The following PRKAG2 variants were observed in gnomAD, a reference collection of about 807,000 sequenced individuals.
The protein encoded by PRKAG2 is 5'-AMP-activated protein kinase subunit gamma-2.
In PRKAG2, 26 loss-of-function variants were observed where a neutral mutation model predicts 69.6. That is an observed-to-expected ratio of 0.37 (90% confidence interval 0.27 to 0.52). The LOEUF is 0.52. PRKAG2 is among the 20% of genes least tolerant of loss of function. PRKAG2 has a pLI of 0.90. For synonymous variants in PRKAG2, 293 were observed against 285.0 expected (o/e 1.03, Z -0.28); for missense variants, 557 against 740.0 (o/e 0.75, Z 2.87).
intron 6 of PRKAG2, among the ~76,000 whole-genome samples, chr7:151,592,281 C>G (rs1813384361): frequency 6.6e-6 from 1 of 152,224 alleles, no homozygotes; most frequent in African/African-American, 2.4e-5. Flanking sequence ...ATTACATCCC[C>G]CAGCAGGCAG....
intron 5 of PRKAG2, among the ~76,000 whole-genome samples, chr7:151,616,096 T>C (rs1248948901): frequency 6.6e-6 from 1 of 152,100 alleles, no homozygotes; most frequent in Non-Finnish European, 1.5e-5. Context: ...GGTCAGAGGG[T>C]TCATTTTAAC....
At chr7:151,633,487 T>C (rs1026514366) in intron 4 of PRKAG2, among the ~76,000 whole-genome samples, 3 of 151,266 alleles carry the variant, frequency 2.0e-5, no homozygotes, top group Admixed American at 6.6e-5. Context: ...TAACATGTTA[T>C]CTACATACAA....
intron 5 of PRKAG2, among the ~76,000 whole-genome samples, chr7:151,628,111 C>G (rs1219075512): frequency 3.9e-5 from 6 of 152,226 alleles, no homozygotes; most frequent in African/African-American, 1.4e-4. Flanking sequence ...AAAATCACCA[C>G]AGCAAGTTAT....
intron 5 of PRKAG2, among the ~76,000 whole-genome samples, chr7:151,616,089 C>G (rs1328694724): frequency 6.6e-6 from 1 of 152,216 alleles, no homozygotes; most frequent in African/African-American, 2.4e-5. Context: ...TGCCACTGGT[C>G]AGAGGGTTCA....
chr7:151,693,842 C>G (rs1836122724), intron 3 of PRKAG2, among the ~76,000 whole-genome samples: 1 of 152,238 alleles, frequency 6.6e-6, no homozygotes, highest in African/African-American at 2.4e-5. Context: ...GTCTTGGACT[C>G]TAGCCTCCAG....
In PRKAG2 at chr7:151,814,661, C is replaced by T. The variant is rs1462702049; in HGVS notation, c.115-28120G>A. 4.9e-6 allele frequency: 6 copies of T among 1,231,790 alleles called. No individual in the cohort carries two copies. Among genetic ancestry groups the T allele is most frequent in the African/African-American group, 1.5e-5 (1 of 64,540 alleles). 76.3% of individuals were successfully genotyped at this position (1,231,790 alleles called of 1,614,324 possible). A position where few individuals can be genotyped will look rare whatever the true frequency, so the allele number is the denominator to read the frequency against. On this transcript the variant is annotated intron_variant, in intron 1 of 15. Transcript: ENST00000287878. The surrounding 1 kb of genome is among the most constrained non-coding windows in gnomAD (Gnocchi z 4.8). ...CTGCATGTCTGCAACAGATGGGGACCGGGGCTGGGTGTGTTCCCAGTCCCC... is the reference window on the plus strand; with the variant it reads ...CTGCATGTCTGCAACAGATGGGGACTGGGGCTGGGTGTGTTCCCAGTCCCC...
At chr7:151,645,575 A>G (rs1827427120) in intron 4 of PRKAG2, among the ~76,000 whole-genome samples, 2 of 152,270 alleles carry the variant, frequency 1.3e-5, no homozygotes, top group South Asian at 4.1e-4. Context: ...AGATAATACA[A>G]TGGGTTTTAA....
At chr7:151,782,396 G>A (rs1294798265) in intron 2 of PRKAG2, among the ~76,000 whole-genome samples, 5 of 133,636 alleles carry the variant, frequency 3.7e-5, no homozygotes, top group African/African-American at 1.4e-4. Flanking sequence ...AAGGAAGGAA[G>A]GAAGGAAGGA....
intron 5 of PRKAG2, among the ~76,000 whole-genome samples, chr7:151,616,304 GCA>G (rs1245077871): frequency 1.3e-5 from 2 of 151,964 alleles, no homozygotes; most frequent in Non-Finnish European, 2.9e-5. Flanking sequence ...ATGCACACAG[GCA>G]CACACACACA....
intron 1 of PRKAG2, among the ~76,000 whole-genome samples, chr7:151,876,176 A>G (rs1166637583): frequency 6.6e-6 from 1 of 150,552 alleles, no homozygotes; most frequent in East Asian, 2.0e-4. Flanking sequence ...AAACAACACA[A>G]CGCACCGCCC....
At chr7:151,679,037 G>A (rs1270974397) in intron 3 of PRKAG2, among the ~76,000 whole-genome samples, 1 of 152,122 alleles carries the variant, frequency 6.6e-6, no homozygotes, top group Non-Finnish European at 1.5e-5. Flanking sequence ...GCTTTGAGGT[G>A]GGGTGGGGAG....
At chr7:151,791,920 G>A (rs952405009) in intron 1 of PRKAG2, among the ~76,000 whole-genome samples, 1 of 152,198 alleles carries the variant, frequency 6.6e-6, no homozygotes, top group African/African-American at 2.4e-5. Context: ...AAGACAAGTG[G>A]TATCATCCCC....
rs866265027 is a variant in PRKAG2, at chr7:151,718,626, A to C, written c.467-42989T>G. Among the ~76,000 whole-genome samples the C allele has an allele frequency of 8.1e-3, 1,179 of 146,396 alleles. 18 individuals carry two copies. Among genetic ancestry groups the C allele is most frequent in the African/African-American group, 0.03 (1,111 of 37,478 alleles). ...TCCCCAGGATGCAAAAAAAAAAAAA[A>C]AAACCCAAAAACAAAACAAACAAAA... On this transcript the variant is annotated intron_variant, in intron 3 of 15. Transcript: ENST00000287878.
intron 3 of PRKAG2, among the ~76,000 whole-genome samples, chr7:151,704,420 G>C (rs1838260023): frequency 6.6e-6 from 1 of 152,148 alleles, no homozygotes; most frequent in South Asian, 2.1e-4. Flanking sequence ...AGTGTTGGTT[G>C]TGAGATGCAG....
intron 10 of PRKAG2, 125 bp from the exon 11 acceptor site, chr7:151,568,967 G>T: frequency 8.6e-7 from 1 of 1,166,110 alleles, no homozygotes; most frequent in Non-Finnish European, 1.3e-6. Flanking sequence ...TTTTGGAAGA[G>T]TTTTAAATTA....
intron 11 of PRKAG2, 105 bp from the exon 12 acceptor site, chr7:151,565,990 T>C: frequency 7.5e-7 from 1 of 1,340,090 alleles, no homozygotes; most frequent in Non-Finnish European, 1.1e-6. Flanking sequence ...TTAAAGTTAG[T>C]TTTTTCTAAC....
intron 4 of PRKAG2, among the ~76,000 whole-genome samples, chr7:151,648,829 C>T (rs1043743065): frequency 2.6e-5 from 4 of 151,864 alleles, no homozygotes; most frequent in Non-Finnish European, 2.9e-5. Flanking sequence ...TAACCCAAGG[C>T]AACATAGTGA....
At chr7:151,738,281 C>A (rs75825497) in intron 3 of PRKAG2, among the ~76,000 whole-genome samples, 16 of 59,702 alleles carry the variant, frequency 2.7e-4, no homozygotes, top group East Asian at 2.8e-3. Flanking sequence ...TCTGCCATTC[C>A]CACGGGGCCT....
At chr7:151,595,009 G>C (rs369576919) in intron 6 of PRKAG2, among the ~76,000 whole-genome samples, 67 of 152,188 alleles carry the variant, frequency 4.4e-4, no homozygotes, top group African/African-American at 1.6e-3. Flanking sequence ...CGTTGGCCAG[G>C]CTGGTCTCCA....
Sources: allele counts gnomAD v4.1 joint callset (sites outside exome capture counted in the v4.1 genomes callset), GRCh38; gene constraint gnomAD v4.1.1; non-coding constraint Gnocchi (gnomAD v3.1); transcripts MANE v1.5; gene names NCBI Gene and HGNC (gene_info 2026-07-23, HGNC 2026-07-21).